The following GRTP1 variants were observed in gnomAD, a reference collection of about 807,000 sequenced individuals.
The protein encoded by GRTP1 is growth hormone-regulated TBC protein 1.
GRTP1 carries 56 observed loss-of-function variants against 38.1 expected under a neutral mutation model. The observed-to-expected ratio is 1.47, with a 90% CI of 1.19 to 1.84. The LOEUF is 1.84. GRTP1 is among the 40% of genes most tolerant of loss of function. GRTP1 has a pLI of 0.00. For missense variants in GRTP1, 506 were observed against 453.9 expected (o/e 1.11, Z -1.04); for synonymous variants, 217 against 189.5 (o/e 1.14, Z -1.19).
Position 113,342,063 on chromosome 13 carries a change from C to T in GRTP1, c.562+2800G>A, listed in dbSNP as rs1230440108. Among the ~76,000 whole-genome samples the T allele has an allele frequency of 6.6e-6, 1 of 152,054 alleles. No homozygotes were observed. Among genetic ancestry groups the T allele is most frequent in the Non-Finnish European group, 1.5e-5 (1 of 68,026 alleles). ...CTCAAGCTGATTCTTGTGCCTCAGC[C>T]TCCTAAGTAGCTGGGATTACAGGCA... On this transcript the variant is annotated intron_variant, in intron 5 of 7. Coordinates refer to ENST00000375431, the MANE Select transcript of GRTP1 (RefSeq NM_024719.4). The surrounding 1 kb of genome is among the most constrained non-coding windows in gnomAD (Gnocchi z 4.5).
chr13:113,337,814 G>A lies in GRTP1; in HGVS notation c.562+7049C>T, dbSNP rs143496021. On this transcript the variant is annotated intron_variant, in intron 5 of 7. Coordinates refer to ENST00000375431, the MANE Select transcript of GRTP1 (RefSeq NM_024719.4). ...CTCAGGGAACCCCACTCGGGAGGAC[G>A]CAGGAAACGCACCTCCGATGTGGCA... Among the ~76,000 whole-genome samples the A allele has an allele frequency of 7.9e-5, 12 of 152,360 alleles. No homozygotes were observed. In the East Asian group the frequency reaches 1.9e-3, roughly 25 times the overall value.
chr13:113,362,153 TA>T (rs922863932), intron 2 of GRTP1, among the ~76,000 whole-genome samples: 1 of 134,162 alleles, frequency 7.5e-6, no homozygotes, highest in African/African-American at 2.8e-5. Context: ...CGTCTCAAAA[TA>T]AAAAAAATAA....
chr13:113,350,825 G>A (rs201609856), intron 4 of GRTP1, 24 bp downstream of exon 4: 1 of 1,542,928 alleles, frequency 6.5e-7, no homozygotes, highest in East Asian at 2.3e-5. Flanking sequence ...CCACCTCATG[G>A]CGTCAGAGGG....
chr13:113,325,122 G>A (rs971305497), intron 7 of GRTP1: 3 of 1,015,624 alleles, frequency 3.0e-6, no homozygotes, highest in East Asian at 9.2e-5. Flanking sequence ...GAGCCACCGC[G>A]CCCGGCCAAC....
At chr13:113,347,442 G>A (rs1235054963) in intron 4 of GRTP1, among the ~76,000 whole-genome samples, 9 of 107,180 alleles carry the variant, frequency 8.4e-5, no homozygotes, top group African/African-American at 4.2e-4. Flanking sequence ...CTCTGTGGCT[G>A]AGAGCAGACC....
chr13:113,344,407 A>AT (rs978194377), intron 5 of GRTP1, among the ~76,000 whole-genome samples: 2 of 152,138 alleles, frequency 1.3e-5, no homozygotes, highest in South Asian at 4.1e-4. Context: ...TTTCAAAGAA[A>AT]TTTTTTTACT....
At position 113,324,344 on chromosome 13, in the gene GRTP1, C is replaced by A; in HGVS notation, c.*144G>T. On this transcript the variant is annotated 3_prime_UTR_variant, in exon 8 of 8. Coordinates refer to ENST00000375431, the MANE Select transcript of GRTP1 (RefSeq NM_024719.4). ...GGTAGAATGACCTGATTTTAAACTG[C>A]TCTTTTAAAAAATTCACAACTAAAG... 8.1e-7 allele frequency: 1 copy of A among 1,236,972 alleles called. No individual in the cohort carries two copies. 76.6% of individuals were successfully genotyped at this position (1,236,972 alleles called of 1,614,324 possible).
rs1322266175 is a variant in GRTP1 at position 113,348,479 on chromosome 13, T to A, written c.465+2370A>T. ...TGTAACTCTACACATATGCCACACA[T>A]TGAACTGTGTTGCCCGCCCCAAAAT... is the stretch of plus-strand genomic sequence containing the variant. On this transcript the variant is annotated intron_variant, in intron 4 of 7. Transcript: ENST00000375431. This position sits in a 1 kb window ranked among gnomAD's most constrained non-coding sequence, Gnocchi z 4.8. Among the ~76,000 whole-genome samples the A allele has an allele frequency of 6.6e-6, 1 of 152,116 alleles. No individual in the cohort carries two copies. Among genetic ancestry groups the A allele is most frequent in the African/African-American group, 2.4e-5 (1 of 41,406 alleles).
chr13:113,349,845 AG>A lies in GRTP1; in HGVS notation c.465+1003del, dbSNP rs2043228723. ...TGCACGCCTGGCTCCCGGCTCCTAC[AG>A]GAAGTTTCTGGGGGCATCACTGGGA... On this transcript the variant is annotated intron_variant, in intron 4 of 7. Transcript: ENST00000375431. The surrounding 1 kb of genome is among the most constrained non-coding windows in gnomAD (Gnocchi z 5.0). Among the ~76,000 whole-genome samples the A allele has an allele frequency of 6.6e-6, 1 of 152,108 alleles. No individual in the cohort carries two copies. Among genetic ancestry groups the A allele is most frequent in the Admixed American group, 6.5e-5 (1 of 15,272 alleles).
intron 2 of GRTP1, chr13:113,359,584 A>G (rs1477636500): frequency 6.6e-6 from 1 of 152,216 alleles, no homozygotes; most frequent in East Asian, 1.9e-4. Context: ...GATAATAACA[A>G]TAATATCAAG....
rs1359236323 is a variant in GRTP1, at chr13:113,348,005, T to TGA, written c.465+2842_465+2843dup. Among the ~76,000 whole-genome samples, 1 of 147,406 alleles carries TGA rather than the reference T, an allele frequency of 6.8e-6. No homozygotes were observed. The highest frequency in any genetic ancestry group is 2.6e-5 in the African/African-American group (1 of 38,856). ...GCAGACCTGGGAGGACCTGTGTGGC[T>TGA]GAGCGGACCTGGGAGGACCTGTCTG... On this transcript the variant is annotated intron_variant, in intron 4 of 7. Coordinates refer to ENST00000375431, the MANE Select transcript of GRTP1 (RefSeq NM_024719.4). This position sits in a 1 kb window ranked among gnomAD's most constrained non-coding sequence, Gnocchi z 4.8.
At position 113,325,562 on chromosome 13, in the gene GRTP1, C is replaced by T. The variant is rs1330799424; in HGVS notation, c.921+99G>A. On this transcript the variant is annotated intron_variant, in intron 7 of 7. Transcript: ENST00000375431. ...ATCCTGTGCCCTATGCCCACTGGTG[C>T]CCGTCCTGTGCACCCTCCGGGTGGT... is the stretch of plus-strand genomic sequence containing the variant. The T allele has an allele frequency of 5.0e-6, 8 of 1,592,474 alleles. No homozygotes were observed. The Admixed American group carries it at 1.4e-4, about 29-fold the overall frequency.
intron 4 of GRTP1, among the ~76,000 whole-genome samples, 182 bp downstream of exon 4, chr13:113,350,667 C>T (rs1238854777): frequency 6.6e-6 from 1 of 152,182 alleles, no homozygotes; most frequent in African/African-American, 2.4e-5. Flanking sequence ...GGAATGAGGT[C>T]GTCGGCTGCT....
chr13:113,327,662 G>A (rs1029864252), intron 5 of GRTP1, among the ~76,000 whole-genome samples: 6 of 152,306 alleles, frequency 3.9e-5, no homozygotes, highest in East Asian at 1.9e-4. Flanking sequence ...GATTAAAAAC[G>A]CCTCCCTTCC....
intron 3 of GRTP1, 41 bp from the exon 4 acceptor site, chr13:113,351,014 C>A (rs1225180102): frequency 6.2e-7 from 1 of 1,609,640 alleles, no homozygotes; most frequent in Non-Finnish European, 8.5e-7. Context: ...GGTTTCTGTT[C>A]CACAAGCCTC....
intron 5 of GRTP1, among the ~76,000 whole-genome samples, chr13:113,334,166 T>C (rs552143968): frequency 1.9e-3 from 294 of 152,276 alleles, no homozygotes; most frequent in African/African-American, 6.7e-3. Context: ...ATGTAAAGTT[T>C]TCTCAAACAC....
chr13:113,339,421 C>G (rs2042997663), intron 5 of GRTP1: 1 of 152,220 alleles, frequency 6.6e-6, no homozygotes, highest in Admixed American at 6.5e-5. Flanking sequence ...AACTTCTCCC[C>G]TACTCCCACA....
intron 5 of GRTP1, among the ~76,000 whole-genome samples, chr13:113,327,333 C>T (rs984210730): frequency 6.6e-6 from 1 of 152,188 alleles, no homozygotes; most frequent in Non-Finnish European, 1.5e-5. Flanking sequence ...TGCTCACCAC[C>T]ACGCCCAAGC....
chr13:113,353,728 G>A (rs2043328752), intron 3 of GRTP1, among the ~76,000 whole-genome samples: 1 of 152,144 alleles, frequency 6.6e-6, no homozygotes. Context: ...GCTTCAGCTT[G>A]GGAAAATGAA....
Sources: allele counts gnomAD v4.1 joint callset (sites outside exome capture counted in the v4.1 genomes callset), GRCh38; gene constraint gnomAD v4.1.1; non-coding constraint Gnocchi (gnomAD v3.1); transcripts MANE v1.5; gene names NCBI Gene and HGNC (gene_info 2026-07-23, HGNC 2026-07-21).